The following IQSEC1 variants were observed in gnomAD, a reference collection of about 807,000 sequenced individuals.
IQSEC1 encodes the protein IQ motif and SEC7 domain-containing protein 1.
Under a neutral mutation model 91.0 loss-of-function variants are expected in IQSEC1, and 31 were observed. That is an observed-to-expected ratio of 0.34 (90% CI 0.26 to 0.46). IQSEC1 has a LOEUF of 0.46. Among genes scored for constraint, IQSEC1 ranks in the 20% least tolerant of loss-of-function variants. The pLI, the probability that IQSEC1 is intolerant of heterozygous loss-of-function variation, is 1.00. For synonymous variants in IQSEC1, 699 were observed against 662.6 expected, an observed-to-expected ratio of 1.05 and a Z score of -0.84; for missense variants, 1,388 against 1,575.6, an observed-to-expected ratio of 0.88 and a Z score of 2.02.
rs1695241766 is a variant in IQSEC1, at chr3:12,908,577, G to C, written c.2579-52C>G. On this transcript the variant is annotated intron_variant, in intron 11 of 13. Transcript: ENST00000613206. The surrounding 1 kb of genome is among the most constrained non-coding windows in gnomAD (Gnocchi z 4.9). Reference sequence around the variant, plus strand: ...GTGAGAGGAGCACAGCCTAGAGTGGGCAGGAGACGGGGCCTTCTGCTTGGA... The same window carrying C: ...GTGAGAGGAGCACAGCCTAGAGTGGCCAGGAGACGGGGCCTTCTGCTTGGA... 1 of 1,589,674 alleles carries C rather than the reference G, an allele frequency of 6.3e-7. No individual in the cohort carries two copies. Among genetic ancestry groups the C allele is most frequent in the Admixed American group, 1.7e-5 (1 of 59,818 alleles).
At chr3:12,917,169 C>T (rs901261801) in intron 6 of IQSEC1, among the ~76,000 whole-genome samples, 1 of 152,206 alleles carries the variant, frequency 6.6e-6, no homozygotes, top group Non-Finnish European at 1.5e-5. Flanking sequence ...TGCCCCCCGA[C>T]ACTCATAGCC....
At chr3:12,989,386 G>A (rs549697321) in intron 1 of IQSEC1, among the ~76,000 whole-genome samples, 1 of 152,160 alleles carries the variant, frequency 6.6e-6, no homozygotes, top group African/African-American at 2.4e-5. Flanking sequence ...GGAGAAAACA[G>A]AAAAACAACT....
At chr3:13,220,990 A>G (rs1205451368) in intron 1 of IQSEC1, among the ~76,000 whole-genome samples, 2 of 152,250 alleles carry the variant, frequency 1.3e-5, no homozygotes, top group African/African-American at 4.8e-5. Flanking sequence ...GGTTGGGGAA[A>G]CGACATAGGG....
In IQSEC1 at chr3:13,261,152, G is replaced by A. The variant is rs116431161; in HGVS notation, c.272+21559C>T. ...CGGACACTGGGGAGGCCGCCCAGGC[G>A]CCCTCCAGGACCTGTTCCCTGTCCC... is the stretch of plus-strand genomic sequence containing the variant. On this transcript the variant is annotated intron_variant, in intron 1 of 15. Transcript: ENST00000648114. Among the ~76,000 whole-genome samples, 393 of 152,316 alleles carry A rather than the reference G, an allele frequency of 2.6e-3. 4 individuals are homozygous for A. Among genetic ancestry groups the A allele is most frequent in the African/African-American group, 9.0e-3 (375 of 41,570 alleles).
At chr3:13,247,666 C>T (rs1695130700) in intron 1 of IQSEC1, among the ~76,000 whole-genome samples, 1 of 152,236 alleles carries the variant, frequency 6.6e-6, no homozygotes, top group African/African-American at 2.4e-5. Context: ...GCCATCACAT[C>T]AGCCGCCTTC....
At chr3:13,088,649 C>T (rs1705782729) in intron 2 of IQSEC1, among the ~76,000 whole-genome samples, 1 of 152,182 alleles carries the variant, frequency 6.6e-6, no homozygotes, top group South Asian at 2.1e-4. Flanking sequence ...GGACCCCACC[C>T]CACTCAGAAT....
intron 2 of IQSEC1, among the ~76,000 whole-genome samples, chr3:13,121,054 C>T (rs901865054): frequency 3.9e-5 from 6 of 152,248 alleles, no homozygotes; most frequent in African/African-American, 7.2e-5. Context: ...CAGCAGCTCC[C>T]TATCCTGGAG....
At chr3:12,921,946 C>T (rs982500247) in intron 5 of IQSEC1, among the ~76,000 whole-genome samples, 174 bp downstream of exon 5, 6 of 152,214 alleles carry the variant, frequency 3.9e-5, no homozygotes, top group Non-Finnish European at 8.8e-5. Context: ...AGGAGCCCGT[C>T]ACAGTGCCTG....
chr3:12,937,543 C>T (rs941861226), intron 2 of IQSEC1, among the ~76,000 whole-genome samples: 1 of 152,232 alleles, frequency 6.6e-6, no homozygotes, highest in Non-Finnish European at 1.5e-5. Context: ...TGCCTGAGTT[C>T]TAATCCAGGC....
chr3:13,181,088 G>A (rs921961418), intron 1 of IQSEC1, among the ~76,000 whole-genome samples: 2 of 152,132 alleles, frequency 1.3e-5, no homozygotes, highest in African/African-American at 4.8e-5. Context: ...TGGCTAACGC[G>A]GTGAAACCCC....
In IQSEC1 at chr3:13,249,333, G is replaced by A. The variant is rs529843308; in HGVS notation, c.272+33378C>T. On this transcript the variant is annotated intron_variant, in intron 1 of 15. Coordinates refer to the IQSEC1 transcript ENST00000648114. ...ACTACAGGCACCCGCCAGCACGCCC[G>A]GCTAATTTTTTTGTATTTTTAGTAG... is the stretch of plus-strand genomic sequence containing the variant. 2.6e-3 allele frequency among the ~76,000 whole-genome samples: 401 copies of A among 151,808 alleles called. 2 individuals are homozygous for A. The highest frequency in any genetic ancestry group is 9.3e-3 in the African/African-American group (384 of 41,396).
intron 1 of IQSEC1, among the ~76,000 whole-genome samples, chr3:13,240,983 T>C (rs536793854): frequency 2.3e-3 from 356 of 152,328 alleles, no homozygotes; most frequent in Non-Finnish European, 3.9e-3. Flanking sequence ...TTCAGCAGCA[T>C]GTCCCAGTTT....
Position 13,125,312 on chromosome 3 carries a change from A to G in IQSEC1, c.302+38792T>C, listed in dbSNP as rs75927174. On this transcript the variant is annotated intron_variant, in intron 2 of 15. Transcript: ENST00000648114. Reference sequence around the variant, plus strand: ...CCTTTTAATCATCACCTTCACAGAGAAACCTTCCCTGACCTCCCACCCCCA... The same window carrying G: ...CCTTTTAATCATCACCTTCACAGAGGAACCTTCCCTGACCTCCCACCCCCA... Among the ~76,000 whole-genome samples the G allele has an allele frequency of 3.9e-3, 594 of 152,232 alleles. 3 individuals are homozygous for G. Among genetic ancestry groups the G allele is most frequent in the African/African-American group, 0.013 (556 of 41,540 alleles).
At chr3:13,019,288 G>A (rs191989945) in intron 1 of IQSEC1, among the ~76,000 whole-genome samples, 11 of 152,336 alleles carry the variant, frequency 7.2e-5, no homozygotes, top group South Asian at 2.1e-4. Context: ...GACTGCGGTC[G>A]CCAAACCCCT....
At chr3:13,014,236 T>G (rs1352930387) in intron 1 of IQSEC1, among the ~76,000 whole-genome samples, 1 of 152,102 alleles carries the variant, frequency 6.6e-6, no homozygotes, top group Non-Finnish European at 1.5e-5. Flanking sequence ...GGTAAATCTC[T>G]CAGTGAGATG....
chr3:12,912,514 C>G (rs943261728), intron 9 of IQSEC1, among the ~76,000 whole-genome samples: 1 of 152,120 alleles, frequency 6.6e-6, no homozygotes, highest in African/African-American at 2.4e-5. Flanking sequence ...TTAGCCAGTC[C>G]TCATACCCAA....
intron 1 of IQSEC1, among the ~76,000 whole-genome samples, chr3:13,271,481 GAAGA>G (rs1695589598): frequency 6.6e-6 from 1 of 152,104 alleles, no homozygotes; most frequent in Non-Finnish European, 1.5e-5. Context: ...AGAAATTAAG[GAAGA>G]AAGAGACAAT....
chr3:13,029,378 C>A (rs1272881700), intron 1 of IQSEC1, among the ~76,000 whole-genome samples: 5 of 152,190 alleles, frequency 3.3e-5, no homozygotes, highest in African/African-American at 9.7e-5. Context: ...ACAGATAGAA[C>A]ATGGCAGGGT....
chr3:13,115,682 C>T (rs921187490), intron 2 of IQSEC1, among the ~76,000 whole-genome samples: 1 of 152,250 alleles, frequency 6.6e-6, no homozygotes, highest in Non-Finnish European at 1.5e-5. Context: ...TGTCTCTGGC[C>T]CTGGCAGGCC....
Sources: allele counts gnomAD v4.1 joint callset (sites outside exome capture counted in the v4.1 genomes callset), GRCh38; gene constraint gnomAD v4.1.1; non-coding constraint Gnocchi (gnomAD v3.1); transcripts MANE v1.5; gene names NCBI Gene and HGNC (gene_info 2026-07-23, HGNC 2026-07-21).